The following UPF2 variants were observed in gnomAD, a reference collection of about 807,000 sequenced individuals.
UPF2 encodes the protein UPF2 regulator of nonsense mediated mRNA decay.
UPF2 carries 17 observed loss-of-function variants against 141.4 expected under a neutral mutation model. The observed-to-expected ratio is 0.12, with a 90% CI of 0.08 to 0.18. The LOEUF is 0.18. Among genes scored for constraint, UPF2 ranks in the 10% least tolerant of loss-of-function variants. The probability of loss-of-function intolerance (pLI) is 1.00; values close to 1 mark genes in which losing one functional copy is unlikely to be tolerated. For synonymous variants in UPF2, 540 were observed against 498.0 expected (o/e 1.08, Z -1.12); for missense variants, 1,152 against 1,515.9 (o/e 0.76, Z 3.99).
At chr10:11,973,935 G>A (rs904628839) in intron 9 of UPF2, among the ~76,000 whole-genome samples, 3 of 152,174 alleles carry the variant, frequency 2.0e-5, no homozygotes. Flanking sequence ...GTCTTTGGTA[G>A]TTTGATGGGG....
At chr10:11,941,613 C>T (rs1832937406) in intron 18 of UPF2, among the ~76,000 whole-genome samples, 1 of 152,096 alleles carries the variant, frequency 6.6e-6, no homozygotes, top group Non-Finnish European at 1.5e-5. Context: ...CTAGCTACCT[C>T]CCCGTTTCTC....
intron 16 of UPF2, 116 bp downstream of exon 16, chr10:11,948,247 CAAAAAA>C (rs139062017): frequency 1.1e-3 from 509 of 471,930 alleles, no homozygotes; most frequent in Middle Eastern, 2.7e-3. Context: ...GACTCTGTCT[CAAAAAA>C]AAAAAAAAAA....
chr10:11,948,614 C>T (rs769123884), intron 15 of UPF2, 106 bp from the exon 16 acceptor site: 1 of 1,262,014 alleles, frequency 7.9e-7, no homozygotes, highest in Non-Finnish European at 1.1e-6. Flanking sequence ...AATTCAACAG[C>T]CATTTTCTCA....
intron 6 of UPF2, among the ~76,000 whole-genome samples, chr10:12,001,193 C>A (rs1833945731): frequency 2.6e-5 from 4 of 152,152 alleles, no homozygotes; most frequent in Non-Finnish European, 5.9e-5. Flanking sequence ...GCGGGCGGAT[C>A]ACCTGAGGTC....
At chr10:11,999,854 G>C in intron 7 of UPF2, 52 bp downstream of exon 7, 1 of 1,380,818 alleles carries the variant, frequency 7.2e-7, no homozygotes. Context: ...CTTATCAGAG[G>C]ACTCCTACAA....
At position 12,042,064 on chromosome 10, in the gene UPF2, C is replaced by T. The variant is rs1834744965; in HGVS notation, c.-19+691G>A. ...GGTGAAGGTAAAGTGAAGAATCAAC[C>T]AGCCTATGTGATTAAAAGGAAGTCA... On this transcript the variant is annotated intron_variant, in intron 1 of 21. Transcript: ENST00000357604. The surrounding 1 kb of genome is among the most constrained non-coding windows in gnomAD (Gnocchi z 5.5). 6.6e-6 allele frequency among the ~76,000 whole-genome samples: 1 copy of T among 152,106 alleles called. No individual in the cohort carries two copies. The highest frequency in any genetic ancestry group is 2.4e-5 in the African/African-American group (1 of 41,400).
Position 11,952,172 on chromosome 10 carries a change from G to A in UPF2, c.2928C>T (p.Ile976=). The change falls in exon 15 of 22, where the codon ATC becomes ATT. Residue 976 remains isoleucine, a synonymous_variant. Coordinates refer to ENST00000357604, the MANE Select transcript of UPF2 (RefSeq NM_015542.4). ...GTCTTAGCAGTTCTAGTGTATCACT[G>A]ATCATGTAATCTATATCAATAGGAA... ...HPFPIDIDYM[I]SDTLELLRPK... 6.2e-7 allele frequency: 1 copy of A among 1,613,764 alleles called. No individual in the cohort carries two copies. The highest frequency in any genetic ancestry group is 8.5e-7 in the Non-Finnish European group (1 of 1,179,810).
At chr10:11,927,683 G>A (rs1358217055) in intron 21 of UPF2, among the ~76,000 whole-genome samples, 1 of 152,082 alleles carries the variant, frequency 6.6e-6, no homozygotes, top group Non-Finnish European at 1.5e-5. Context: ...TAATTAGATG[G>A]GTTTACAGGT....
Position 11,935,664 on chromosome 10 carries a change from ATC to A in UPF2, c.3546+879_3546+880del, listed in dbSNP as rs780619872. Among the ~76,000 whole-genome samples the A allele has an allele frequency of 6.0e-4, 92 of 152,202 alleles. 1 individual carries two copies. The highest frequency in any genetic ancestry group is 1.1e-3 in the Non-Finnish European group (76 of 68,036). On this transcript the variant is annotated intron_variant, in intron 19 of 21. Transcript: ENST00000357604. This position sits in a 1 kb window ranked among gnomAD's most constrained non-coding sequence, Gnocchi z 4.9. ...TATTCTCTTCATACCATGTTTCACT[ATC>A]TGCAAATATGTGCGTTTGTCTCTCT...
chr10:11,952,517 C>A (rs1473888417), intron 14 of UPF2, among the ~76,000 whole-genome samples: 3 of 147,524 alleles, frequency 2.0e-5, no homozygotes, highest in Non-Finnish European at 4.5e-5. Flanking sequence ...CTCTGTCACC[C>A]AGTCTGGAGT....
intron 12 of UPF2, among the ~76,000 whole-genome samples, chr10:11,957,145 C>T (rs181575634): frequency 6.7e-6 from 1 of 149,478 alleles, no homozygotes; most frequent in Non-Finnish European, 1.5e-5. Context: ...AAAACAAAAA[C>T]GGGCCAGGTG....
chr10:12,035,410 C>T lies in UPF2; in HGVS notation c.14G>A (p.Arg5His), dbSNP rs199923198. 68 of 1,581,004 alleles carry T rather than the reference C, an allele frequency of 4.3e-5. No homozygotes were observed. Among genetic ancestry groups the T allele is most frequent in the African/African-American group, 1.4e-4 (10 of 73,050 alleles). The change falls in exon 2 of 22, where the codon CGT becomes CAT. Residue 5 changes from arginine to histidine, a missense_variant. By Grantham distance (29) the Arg-to-His change is conservative (BLOSUM62 0). Coordinates refer to ENST00000357604, the MANE Select transcript of UPF2 (RefSeq NM_015542.4). MPAE[R>H]KKPASMEEKD... is the part of the protein sequence containing the mutation. ...TTCTTCCATACTTGCTGGCTTTTTACGCTCAGCTGGCATTATGTGACCCAG... is the reference window on the plus strand; with the variant it reads ...TTCTTCCATACTTGCTGGCTTTTTATGCTCAGCTGGCATTATGTGACCCAG...
chr10:12,011,944 T>G (rs1834135073), intron 4 of UPF2, among the ~76,000 whole-genome samples: 1 of 151,118 alleles, frequency 6.6e-6, no homozygotes, highest in Non-Finnish European at 1.5e-5. Flanking sequence ...AAACTCTGTC[T>G]CAAAAATAAT....
chr10:11,922,238 G>C (rs12251726), intron 21 of UPF2, among the ~76,000 whole-genome samples: 1 of 152,214 alleles, frequency 6.6e-6, no homozygotes, highest in African/African-American at 2.4e-5. Flanking sequence ...AGTGCTGCGA[G>C]ACAACAGACA....
At position 11,994,466 on chromosome 10, in the gene UPF2, C is replaced by T. The variant is rs143956618; in HGVS notation, c.1844+3206G>A. On this transcript the variant is annotated intron_variant, in intron 8 of 21. Coordinates refer to ENST00000357604, the MANE Select transcript of UPF2 (RefSeq NM_015542.4). ...ACACAAGCATCAAGATACTGATTTC[C>T]TACTGAAAGGAGTGGAAATTGGGTA... 5.8e-3 allele frequency among the ~76,000 whole-genome samples: 890 copies of T among 152,222 alleles called. 2 individuals carry two copies. The highest frequency in any genetic ancestry group is 9.4e-3 in the Non-Finnish European group (641 of 68,006).
intron 8 of UPF2, among the ~76,000 whole-genome samples, chr10:11,990,046 T>C (rs1432336544): frequency 2.0e-5 from 3 of 152,200 alleles, no homozygotes; most frequent in African/African-American, 7.2e-5. Context: ...TAGAATGATA[T>C]TAATGTAAGA....
At chr10:11,966,729 T>C (rs1833327753) in intron 10 of UPF2, among the ~76,000 whole-genome samples, 1 of 152,232 alleles carries the variant, frequency 6.6e-6, no homozygotes, top group Admixed American at 6.5e-5. Context: ...CAGCCCTTCA[T>C]TTCTAATAAT....
chr10:11,994,848 C>A (rs1010329551), intron 8 of UPF2, among the ~76,000 whole-genome samples: 2 of 151,478 alleles, frequency 1.3e-5, no homozygotes, highest in African/African-American at 4.9e-5. Flanking sequence ...TGGTGGCAGG[C>A]GCCTGTAGTC....
chr10:12,034,399 T>C lies in UPF2; in HGVS notation c.365+660A>G, dbSNP rs1400768326. On this transcript the variant is annotated intron_variant, in intron 2 of 21. Transcript: ENST00000357604. ...GTGCAGTGGCACAGTCTTGGCTCACTGCAACCTCCACCTGCTAGGTTCAAG... is the reference window on the plus strand; with the variant it reads ...GTGCAGTGGCACAGTCTTGGCTCACCGCAACCTCCACCTGCTAGGTTCAAG... 2.0e-5 allele frequency among the ~76,000 whole-genome samples: 3 copies of C among 151,992 alleles called. No homozygotes were observed. In the South Asian group the frequency reaches 6.2e-4, roughly 32 times the overall value.
Sources: allele counts gnomAD v4.1 joint callset (sites outside exome capture counted in the v4.1 genomes callset), GRCh38; gene constraint gnomAD v4.1.1; non-coding constraint Gnocchi (gnomAD v3.1); transcripts MANE v1.5; gene names NCBI Gene and HGNC (gene_info 2026-07-23, HGNC 2026-07-21).